Variants in ENG observed in about 807,000 individuals in gnomAD.
ENG encodes the protein endoglin.
In ENG, 17 loss-of-function variants were observed where a neutral mutation model predicts 71.0. The observed-to-expected ratio is 0.24, with a 90% confidence interval of 0.16 to 0.36. ENG has a LOEUF of 0.36. Ranked by LOEUF, ENG falls within the 10% of genes least tolerant of loss-of-function variation. The pLI, the probability that ENG is intolerant of heterozygous loss-of-function variation, is 1.00. For synonymous variants in ENG, 360 were observed against 366.9 expected (o/e 0.98, Z 0.21); for missense variants, 749 against 868.3 (o/e 0.86, Z 1.73).
intron 3 of ENG, among the ~76,000 whole-genome samples, chr9:127,827,436 C>T (rs1830647696): frequency 6.6e-6 from 1 of 152,126 alleles, no homozygotes; most frequent in Non-Finnish European, 1.5e-5. Context: ...CCTACCCTGC[C>T]ATTGCCTCAG....
At position 127,819,949 on chromosome 9, in the gene ENG, G is replaced by A. The variant is rs758647584; in HGVS notation, c.1223C>T (p.Ala408Val). 1 of 1,614,230 alleles carries A rather than the reference G, an allele frequency of 6.2e-7. No individual in the cohort carries two copies. The highest frequency in any genetic ancestry group is 8.5e-7 in the Non-Finnish European group (1 of 1,180,044). Residue 408 changes from alanine (A) to valine (V), a missense_variant, in exon 9 of 15, where the codon GCT becomes GTT. Transcript: ENST00000373203. ...DRGDKFVLRS[A>V]YSSCGMQVSA... ...CACCTGCATGCCACAGCTGGAGTAA[G>A]CACTGCGCAAGACAAACTTGTCACC...
chr9:127,850,983 C>T (rs1221921413), intron 1 of ENG, among the ~76,000 whole-genome samples: 7 of 152,010 alleles, frequency 4.6e-5, no homozygotes, highest in African/African-American at 1.7e-4. Context: ...AACATGGAGA[C>T]CTGGTTCGAA....
At chr9:127,845,370 G>A (rs1487259654) in intron 1 of ENG, among the ~76,000 whole-genome samples, 1 of 152,210 alleles carries the variant, frequency 6.6e-6, no homozygotes, top group Non-Finnish European at 1.5e-5. Flanking sequence ...GCCATTCCCA[G>A]CTCTGTCTTG....
In ENG at chr9:127,846,390, C is replaced by T. The variant is rs1831169436; in HGVS notation, c.68-3145G>A. Among the ~76,000 whole-genome samples the T allele has an allele frequency of 6.6e-6, 1 of 152,174 alleles. No individual in the cohort carries two copies. Among genetic ancestry groups the T allele is most frequent in the African/African-American group, 2.4e-5 (1 of 41,444 alleles). On this transcript the variant is annotated intron_variant, in intron 1 of 14. Coordinates refer to ENST00000373203, the MANE Select transcript of ENG (RefSeq NM_001114753.3). The surrounding 1 kb of genome is among the most constrained non-coding windows in gnomAD (Gnocchi z 5.5). Reference sequence around the variant, plus strand: ...TTGACCAGGCCGGGCCTCGGACCCGCGTCTCCCAACATGACCCAGTGTCTG... The same window carrying T: ...TTGACCAGGCCGGGCCTCGGACCCGTGTCTCCCAACATGACCCAGTGTCTG...
Position 127,818,824 on chromosome 9 carries a change from C to T in ENG, c.1320G>A (p.Val440=). Residue 440 remains valine (V), a synonymous_variant, in exon 11 of 15, where the codon GTG becomes GTA. Coordinates refer to ENST00000373203, the MANE Select transcript of ENG (RefSeq NM_001114753.3). ...AGAGGCTGTCCATGTTGAGGCAGTG[C>T]ACCTTTTTCTGGGGGAGGACGGGAG... The part of the protein sequence containing the change: ...LSSSSPQRKK[V]HCLNMDSLSF... 1 of 1,613,946 alleles carries T rather than the reference C, an allele frequency of 6.2e-7. No individual in the cohort carries two copies. The highest frequency in any genetic ancestry group is 1.3e-5 in the African/African-American group (1 of 75,012).
chr9:127,835,900 C>T (rs1473561214), intron 2 of ENG, among the ~76,000 whole-genome samples: 2 of 152,176 alleles, frequency 1.3e-5, no homozygotes, highest in African/African-American at 4.8e-5. Context: ...ACCAAAGCTA[C>T]CACTCAGTTG....
At chr9:127,824,665 T>A (rs1830558246) in intron 7 of ENG, 135 bp downstream of exon 7, 2 of 1,148,074 alleles carry the variant, frequency 1.7e-6, no homozygotes, top group Non-Finnish European at 2.4e-6. Flanking sequence ...ATTGTTCCCA[T>A]GTGCAGATGA....
In ENG at chr9:127,846,667, G is replaced by A. The variant is rs41381344; in HGVS notation, c.68-3422C>T. Among the ~76,000 whole-genome samples the A allele has an allele frequency of 0.041, 6,197 of 152,188 alleles. 146 individuals are homozygous for A. The highest frequency in any genetic ancestry group is 0.099 in the South Asian group (475 of 4,820). Reference sequence around the variant, plus strand: ...TTCGAATCCTGGCCGCCCCCACCCCGCAGACGAGAATGGGGAGACAGGAGG... The same window carrying A: ...TTCGAATCCTGGCCGCCCCCACCCCACAGACGAGAATGGGGAGACAGGAGG... On this transcript the variant is annotated intron_variant, in intron 1 of 14. Coordinates refer to ENST00000373203, the MANE Select transcript of ENG (RefSeq NM_001114753.3). The surrounding 1 kb of genome is among the most constrained non-coding windows in gnomAD (Gnocchi z 5.5).
intron 3 of ENG, among the ~76,000 whole-genome samples, chr9:127,828,765 G>A (rs1830689527): frequency 6.6e-6 from 1 of 152,112 alleles, no homozygotes; most frequent in South Asian, 2.1e-4. Flanking sequence ...CCTGTCACCA[G>A]TCCGGAAGCT....
At position 127,826,411 on chromosome 9, in the gene ENG, C is replaced by T. The variant is rs1830616100; in HGVS notation, c.523+99G>A. The T allele has an allele frequency of 2.0e-6, 3 of 1,508,130 alleles. No homozygotes were observed. The South Asian group carries it at 3.7e-5, about 18-fold the overall frequency. 93.4% of individuals were successfully genotyped at this position (1,508,130 alleles called of 1,614,324 possible). ...TGAACTGTGGCACAGCGTGTCCCCT[C>T]CTGCACTCTTGGTGCCCAAGTTTGA... On this transcript the variant is annotated intron_variant, in intron 4 of 14. Transcript: ENST00000373203.
rs537287137 is a variant in ENG, at chr9:127,820,345, C to T, written c.1135-308G>A. Among the ~76,000 whole-genome samples the T allele has an allele frequency of 2.8e-4, 42 of 151,964 alleles. 1 individual carries two copies. The highest frequency in any genetic ancestry group is 1.0e-3 in the African/African-American group (42 of 41,482). On this transcript the variant is annotated intron_variant, in intron 8 of 14. Coordinates refer to ENST00000373203, the MANE Select transcript of ENG (RefSeq NM_001114753.3). ...AGTTGCTGGGATTACAGGCACGTGC[C>T]ACCATGCCCGGCTACTTTTTTGTAT...
intron 1 of ENG, among the ~76,000 whole-genome samples, chr9:127,843,755 A>T (rs867521764): frequency 1.6e-4 from 4 of 25,036 alleles, no homozygotes; most frequent in Non-Finnish European, 2.1e-4. Flanking sequence ...ATATATATAT[A>T]TTTTTTTTTT....
chr9:127,837,510 CCTGT>C (rs1041147278), intron 2 of ENG, among the ~76,000 whole-genome samples: 2 of 152,148 alleles, frequency 1.3e-5, no homozygotes, highest in Non-Finnish European at 2.9e-5. Context: ...AACTCATTTG[CCTGT>C]CTGAGAGGCT....
At chr9:127,816,412 C>T (rs900321472) in intron 13 of ENG, 49 of 395,210 alleles carry the variant, frequency 1.2e-4, no homozygotes, top group Non-Finnish European at 2.0e-4. Context: ...TCAACCCTGC[C>T]CCTCTCTGAG....
chr9:127,820,531 T>A (rs541436189), intron 8 of ENG, among the ~76,000 whole-genome samples: 1 of 150,542 alleles, frequency 6.6e-6, no homozygotes, highest in African/African-American at 2.4e-5. Context: ...ACAGAACTAT[T>A]AAAAATATTC....
chr9:127,844,162 G>C (rs1273374412), intron 1 of ENG, among the ~76,000 whole-genome samples: 18 of 140,426 alleles, frequency 1.3e-4, no homozygotes, highest in Middle Eastern at 4.7e-3. Flanking sequence ...TTTTGCTCTT[G>C]TTGCCCAGGC....
rs199531650 is a variant in ENG, at chr9:127,824,338, G to C, written c.1100C>G (p.Ala367Gly). The change falls in exon 8 of 15, where the codon GCC becomes GGC. Residue 367 changes from alanine (A) to glycine (G), a missense_variant. By Grantham distance (60) the Ala-to-Gly change is moderately conservative (BLOSUM62 0). Coordinates refer to ENST00000373203, the MANE Select transcript of ENG (RefSeq NM_001114753.3). ...CTCTTTCTTTAGTACCAGGGTCATG[G>C]CGTCGTCGGCACACTTTGTCTGGAT... is the stretch of plus-strand genomic sequence containing the variant. ...SLIQTKCADD[A>G]MTLVLKKELV... is the part of the protein sequence containing the mutation. The C allele has an allele frequency of 6.2e-7, 1 of 1,613,974 alleles. No homozygotes were observed. Among genetic ancestry groups the C allele is most frequent in the Admixed American group, 1.7e-5 (1 of 59,982 alleles).
Position 127,816,016 on chromosome 9 carries a change from C to T in ENG, c.1779G>A (p.Leu593=), listed in dbSNP as rs1326050845. 11 of 1,611,042 alleles carry T rather than the reference C, an allele frequency of 6.8e-6. No homozygotes were observed. Among genetic ancestry groups the T allele is most frequent in the East Asian group, 4.5e-5 (2 of 44,820 alleles). The change falls in exon 14 of 15, where the codon CTG becomes CTA. Residue 593 remains leucine (L), a synonymous_variant. Coordinates refer to ENST00000373203, the MANE Select transcript of ENG (RefSeq NM_001114753.3). ...TSKGLVLPAV[L]GITFGAFLIG... ...TGAGGAAGGCACCAAAGGTGATGCC[C>T]AGCACGGCGGGCAGGACGAGGCCTT...
Position 127,815,639 on chromosome 9 carries a change from G to T in ENG, c.*43C>A. 6.5e-7 allele frequency: 1 copy of T among 1,539,434 alleles called. No individual in the cohort carries two copies. Among genetic ancestry groups the T allele is most frequent in the Non-Finnish European group, 8.7e-7 (1 of 1,149,334 alleles). On this transcript the variant is annotated 3_prime_UTR_variant, in exon 15 of 15. Coordinates refer to ENST00000373203, the MANE Select transcript of ENG (RefSeq NM_001114753.3). Reference sequence around the variant, plus strand: ...GTTCACACCAGTGCTCCCAGCTGGCGGCTGCTCAGTCTCTCCTGCTGGGCG... The same window carrying T: ...GTTCACACCAGTGCTCCCAGCTGGCTGCTGCTCAGTCTCTCCTGCTGGGCG...
Sources: gnomAD v4.1 joint callset for allele counts (sites outside exome capture counted in the v4.1 genomes callset) on GRCh38, gnomAD v4.1.1 for gene constraint, Gnocchi (gnomAD v3.1) non-coding constraint, MANE v1.5 for transcripts, NCBI Gene and HGNC (gene_info 2026-07-23, HGNC 2026-07-21) for gene names.